The following SP2 variants were observed in gnomAD, a reference collection of about 807,000 sequenced individuals.
SP2 encodes the protein Sp2 transcription factor, also known as transcription factor Sp2.
A neutral mutation model predicts 50.1 loss-of-function variants in SP2; 9 were observed. The observed-to-expected ratio is 0.18, with a 90% confidence interval of 0.11 to 0.31. The LOEUF (loss-of-function observed/expected upper bound fraction) is 0.31. SP2 is among the 10% of genes least tolerant of loss of function. The pLI, the probability that SP2 is intolerant of heterozygous loss-of-function variation, is 1.00. For synonymous variants in SP2, 313 were observed against 326.6 expected, an observed-to-expected ratio of 0.96 and a Z score of 0.45; for missense variants, 581 against 806.5, an observed-to-expected ratio of 0.72 and a Z score of 3.39.
At chr17:47,904,753 ATTTG>A (rs1009096803) in intron 1 of SP2, among the ~76,000 whole-genome samples, 2 of 151,962 alleles carry the variant, frequency 1.3e-5, no homozygotes, top group Non-Finnish European at 2.9e-5. Context: ...GTTTTAATTT[ATTTG>A]TTTATTTAAA....
intron 1 of SP2, among the ~76,000 whole-genome samples, chr17:47,915,043 G>A (rs34307441): frequency 0.032 from 4,863 of 152,030 alleles, 267 homozygotes; most frequent in African/African-American, 0.11. Context: ...TGAAACCTCT[G>A]TCTCTACTAA....
intron 1 of SP2, chr17:47,899,500 T>G (rs1193997972): frequency 6.6e-6 from 1 of 152,230 alleles, no homozygotes. Flanking sequence ...ATGGGACATT[T>G]CTAACTCGAG....
downstream of SP2, among the ~76,000 whole-genome samples, chr17:47,929,518 A>G (rs563454187): frequency 7.7e-4 from 118 of 152,350 alleles, no homozygotes; most frequent in African/African-American, 2.8e-3. Context: ...CACCCGATAG[A>G]GGACTCTGGC....
intron 1 of SP2, among the ~76,000 whole-genome samples, chr17:47,902,912 C>T (rs996988681): frequency 4.6e-5 from 7 of 152,186 alleles, no homozygotes; most frequent in South Asian, 2.1e-4. Context: ...GGCACCACCA[C>T]GCCCGGCTAA....
intron 1 of SP2, among the ~76,000 whole-genome samples, chr17:47,903,808 C>T (rs1283019006): frequency 6.7e-6 from 1 of 150,062 alleles, no homozygotes. Flanking sequence ...TACTAAAATA[C>T]AAAAAATCAG....
chr17:47,923,770 G>T (rs1453429538), intron 4 of SP2, among the ~76,000 whole-genome samples: 1 of 152,078 alleles, frequency 6.6e-6, no homozygotes, highest in Admixed American at 6.5e-5. Flanking sequence ...TTGAGACAGA[G>T]CCTCACTCTG....
At chr17:47,900,482 T>G (rs1339841011) in intron 1 of SP2, 1 of 152,248 alleles carries the variant, frequency 6.6e-6, no homozygotes, top group Non-Finnish European at 1.5e-5. Flanking sequence ...TTTCAGAAGC[T>G]GATTCTGGCC....
At chr17:47,914,303 G>A (rs1481611902) in intron 1 of SP2, among the ~76,000 whole-genome samples, 1 of 152,044 alleles carries the variant, frequency 6.6e-6, no homozygotes, top group African/African-American at 2.4e-5. Flanking sequence ...CCTGGGAGGT[G>A]GAGGTTGCAA....
intron 1 of SP2, among the ~76,000 whole-genome samples, chr17:47,903,403 C>A (rs990140034): frequency 6.6e-6 from 1 of 152,110 alleles, no homozygotes; most frequent in Non-Finnish European, 1.5e-5. Flanking sequence ...CGGTGGCTCA[C>A]GCCTGTAATC....
rs751709639 is a variant in SP2 at position 47,923,187 on chromosome 17, T to C, written c.1285T>C (p.Leu429=). 5 of 1,613,940 alleles carry C rather than the reference T, an allele frequency of 3.1e-6. No individual in the cohort carries two copies. Among genetic ancestry groups the C allele is most frequent in the African/African-American group, 2.7e-5 (2 of 74,958 alleles). Residue 429 remains leucine, a synonymous_variant, in exon 4 of 7, where the codon TTG becomes CTG. Transcript: ENST00000376741. ...GSIISLNAAQ[L]AAAAQAMQTI... is the part of the protein sequence containing the mutation. ...CATCATCAGCCTGAATGCAGCCCAGTTGGCGGCAGCTGCCCAGGCAATGCA... is the reference window on the plus strand; with the variant it reads ...CATCATCAGCCTGAATGCAGCCCAGCTGGCGGCAGCTGCCCAGGCAATGCA...
At chr17:47,918,103 A>G (rs2035288042) in intron 3 of SP2, among the ~76,000 whole-genome samples, 1 of 151,952 alleles carries the variant, frequency 6.6e-6, no homozygotes, top group South Asian at 2.1e-4. Context: ...TGCTACCATT[A>G]AAATTGAGGA....
chr17:47,914,366 C>T (rs1281526197), intron 1 of SP2, among the ~76,000 whole-genome samples: 2 of 148,610 alleles, frequency 1.3e-5, no homozygotes, highest in Non-Finnish European at 3.0e-5. Context: ...AGTGAAACTC[C>T]TTCTCAAAAA....
At chr17:47,919,227 T>C (rs1229576167) in intron 3 of SP2, among the ~76,000 whole-genome samples, 3 of 152,034 alleles carry the variant, frequency 2.0e-5, no homozygotes, top group Non-Finnish European at 4.4e-5. Context: ...CTGGGCAAGA[T>C]AGCAAGACCC....
chr17:47,923,325 C>G (rs770167648), intron 4 of SP2, 51 bp downstream of exon 4: 1 of 1,465,632 alleles, frequency 6.8e-7, no homozygotes, highest in Non-Finnish European at 9.3e-7. Flanking sequence ...CTGCTCCTAG[C>G]AGGTGGAAAC....
Position 47,905,062 on chromosome 17 carries a change from G to A in SP2, c.7+8769G>A, listed in dbSNP as rs546004562. On this transcript the variant is annotated intron_variant, in intron 1 of 6. Coordinates refer to ENST00000376741, the MANE Select transcript of SP2 (RefSeq NM_003110.6). Reference sequence around the variant, plus strand: ...GCTGGTATTACAGGCATGAGCCACCGTGCCCACCTTATAATAGTTATTATG... The same window carrying A: ...GCTGGTATTACAGGCATGAGCCACCATGCCCACCTTATAATAGTTATTATG... Among the ~76,000 whole-genome samples, 14 of 152,248 alleles carry A rather than the reference G, an allele frequency of 9.2e-5. No individual in the cohort carries two copies. The South Asian group carries it at 1.5e-3, about 16-fold the overall frequency.
chr17:47,931,211 C>T (rs9903922), downstream of SP2, among the ~76,000 whole-genome samples: 1,417 of 152,092 alleles, frequency 9.3e-3, 18 homozygotes, highest in African/African-American at 0.03. Context: ...GGCGTGGTGG[C>T]GCATGCCTGT....
chr17:47,923,886 G>C (rs2035554675), intron 4 of SP2, among the ~76,000 whole-genome samples: 1 of 152,070 alleles, frequency 6.6e-6, no homozygotes, highest in African/African-American at 2.4e-5. Flanking sequence ...ATTTTTCGTA[G>C]AGATGGGGTT....
intron 4 of SP2, 128 bp from the exon 5 acceptor site, chr17:47,924,791 C>CTTTTTTG (rs2035583472): frequency 1.3e-6 from 1 of 790,916 alleles, no homozygotes; most frequent in Non-Finnish European, 2.0e-6. Flanking sequence ...AAATGATATC[C>CTTTTTTG]AACATACAGC....
At chr17:47,902,442 G>A (rs1268712811) in intron 1 of SP2, among the ~76,000 whole-genome samples, 2 of 152,178 alleles carry the variant, frequency 1.3e-5, no homozygotes, top group Non-Finnish European at 2.9e-5. Context: ...GATGTGTTGA[G>A]AATAGACTGA....
Sources: gnomAD v4.1 joint callset for allele counts (sites outside exome capture counted in the v4.1 genomes callset) on GRCh38, gnomAD v4.1.1 for gene constraint, MANE v1.5 for transcripts, NCBI Gene and HGNC (gene_info 2026-07-23, HGNC 2026-07-21) for gene names.